COL4A5: variants seen among roughly 807,000 people sequenced by gnomAD.
The protein encoded by COL4A5 is collagen type IV alpha 5 chain.
A neutral mutation model predicts 130.2 loss-of-function variants in COL4A5; 26 were observed. The ratio of observed to expected loss-of-function variants is 0.20; its 90% confidence interval spans 0.15 to 0.28. The LOEUF is 0.28. Ranked by LOEUF, COL4A5 falls within the 10% of genes least tolerant of loss-of-function variation. The pLI, the probability that COL4A5 is intolerant of heterozygous loss-of-function variation, is 1.00. For missense variants in COL4A5, 1,131 were observed against 1,344.3 expected (o/e 0.84, Z 2.48); for synonymous variants, 496 against 439.6 (o/e 1.13, Z -1.60).
At chrX:108,578,201 G>C (rs2066185953) in intron 12 of COL4A5, 82 bp downstream of exon 12, 1 of 1,122,750 alleles carries the variant, frequency 8.9e-7, no homozygotes, top group African/African-American at 1.8e-5. Context: ...TCTTTCTCTT[G>C]CTTCTTGAAG....
At chrX:108,447,909 A>G (rs2064471139) in intron 1 of COL4A5, among the ~76,000 whole-genome samples, 2 of 111,953 alleles carry the variant, frequency 1.8e-5, no homozygotes, top group Non-Finnish European at 3.8e-5. Context: ...TTGTTTTTAA[A>G]TAGCAGTAAT....
At chrX:108,678,523 C>A (rs28648027) in intron 44 of COL4A5, among the ~76,000 whole-genome samples, 24,518 of 110,313 alleles carry the variant, frequency 0.22, 2,476 homozygotes, top group East Asian at 0.57. Context: ...AAAATATTCT[C>A]ATGTTTTATT....
In COL4A5 at chrX:108,586,617, A is replaced by C. The variant is rs780982202; in HGVS notation, c.1035A>C (p.Val345=). ...TTTTTTTTTCTTTGGTAATAAAGGT[A>C]ATTCCTAGACCTGGGACTGGTATAA... ...DTGPPGPPGL[V]IPRPGTGITI... The change falls in exon 19 of 53, where the codon GTA becomes GTC. Residue 345 remains valine, a splice_region_variant and synonymous_variant. Coordinates refer to ENST00000328300, the MANE Select transcript of COL4A5 (RefSeq NM_033380.3). 83 of 1,202,248 alleles carry C rather than the reference A, an allele frequency of 6.9e-5. No homozygotes were observed. In the South Asian group the frequency reaches 1.5e-3, roughly 21 times the overall value.
chrX:108,568,775 A>G lies in COL4A5; in HGVS notation c.338A>G (p.Asp113Gly), dbSNP rs2066014730. 4 of 1,208,913 alleles carry G rather than the reference A, an allele frequency of 3.3e-6. No homozygotes were observed. The highest frequency in any genetic ancestry group is 4.5e-6 in the Non-Finnish European group (4 of 894,672). Reference sequence around the variant, plus strand: ...TTTTCAAAGGGAATGCCAGGCCACGATGGGGCCCCAGGACCTCAAGGTATT... The same window carrying G: ...TTTTCAAAGGGAATGCCAGGCCACGGTGGGGCCCCAGGACCTCAAGGTATT... ...TPGLPGMPGH[D>G]GAPGPQGIPG... The change falls in exon 6 of 53, where the codon GAT (aspartate) becomes GGT (glycine). Residue 113 changes from aspartate (D) to glycine (G), a missense_variant. Coordinates refer to ENST00000328300, the MANE Select transcript of COL4A5 (RefSeq NM_033380.3).
intron 23 of COL4A5, 62 bp from the exon 24 acceptor site, chrX:108,597,315 G>C: frequency 9.0e-7 from 1 of 1,105,462 alleles, no homozygotes; most frequent in East Asian, 3.0e-5. Context: ...AAAAGAAACT[G>C]ATTTTCTTTT....
chrX:108,659,396 C>T (rs1322491477), intron 37 of COL4A5, among the ~76,000 whole-genome samples: 1 of 110,973 alleles, frequency 9.0e-6, no homozygotes, highest in Non-Finnish European at 1.9e-5. Context: ...TTATAAATGT[C>T]CATTAGGTCA....
At chrX:108,584,363 C>T (rs1473672530) in intron 17 of COL4A5, 121 bp from the exon 18 acceptor site, 11 of 596,056 alleles carry the variant, frequency 1.8e-5, no homozygotes, top group Non-Finnish European at 3.0e-5. Flanking sequence ...TGTTGCATTT[C>T]TCATTTGAGG....
chrX:108,522,482 C>T lies in COL4A5; in HGVS notation c.82-17264C>T, dbSNP rs112568825. ...GTCTTGATTATAGCTATCTAGTGTGCGTGAAGTGGTATTTCATTGTGGTTT... is the reference window on the plus strand; with the variant it reads ...GTCTTGATTATAGCTATCTAGTGTGTGTGAAGTGGTATTTCATTGTGGTTT... On this transcript the variant is annotated intron_variant, in intron 1 of 52. Transcript: ENST00000328300. 1.1e-3 allele frequency among the ~76,000 whole-genome samples: 111 copies of T among 100,161 alleles called. 1 individual carries two copies. The highest frequency in any genetic ancestry group is 3.2e-3 in the African/African-American group (88 of 27,159). The allele number at this position is 100,161 out of a possible 115,157, so 87.0% of individuals were successfully genotyped here. A position where few individuals can be genotyped will look rare whatever the true frequency, so the allele number is the denominator to read the frequency against.
At chrX:108,578,184 G>A in intron 12 of COL4A5, 65 bp downstream of exon 12, 1 of 1,148,679 alleles carries the variant, frequency 8.7e-7, no homozygotes, top group Non-Finnish European at 1.2e-6. Flanking sequence ...CATTTGAACT[G>A]TCTTTTTCTT....
chrX:108,524,890 T>A (rs1286993554), intron 1 of COL4A5, among the ~76,000 whole-genome samples: 1 of 112,184 alleles, frequency 8.9e-6, no homozygotes, highest in Non-Finnish European at 1.9e-5. Context: ...AGTTTATTGA[T>A]GTTTGTTTTA....
At chrX:108,617,947 A>G (rs1351917293) in intron 30 of COL4A5, among the ~76,000 whole-genome samples, 1 of 112,234 alleles carries the variant, frequency 8.9e-6, no homozygotes, top group Non-Finnish European at 1.9e-5. Flanking sequence ...AGGAGAAAAT[A>G]GTTTTCTAAC....
At chrX:108,643,342 C>G (rs762813237) in intron 36 of COL4A5, among the ~76,000 whole-genome samples, 94 of 111,732 alleles carry the variant, frequency 8.4e-4, no homozygotes, top group African/African-American at 3.0e-3. Flanking sequence ...ACCTAGACAT[C>G]CAAATACAAG....
chrX:108,692,818 C>T lies in COL4A5; in HGVS notation c.4599C>T (p.Cys1533=), dbSNP rs1603326524. The T allele has an allele frequency of 8.3e-7, 1 of 1,211,052 alleles. No individual in the cohort carries two copies. The highest frequency in any genetic ancestry group is 1.1e-6 in the Non-Finnish European group (1 of 895,010). ...PFMFCNINNV[C]NFASRNDYSY... ...TGTTCTGCAACATCAATAATGTTTG[C>T]AACTTTGCTTCAAGAAATGACTATT... Residue 1533 remains cysteine (C), a synonymous_variant, in exon 50 of 53, where the codon TGC becomes TGT. Coordinates refer to ENST00000328300, the MANE Select transcript of COL4A5 (RefSeq NM_033380.3).
chrX:108,633,888 T>C (rs915855079), intron 36 of COL4A5, among the ~76,000 whole-genome samples: 2 of 111,970 alleles, frequency 1.8e-5, no homozygotes, highest in African/African-American at 6.5e-5. Flanking sequence ...GTACAGGTGA[T>C]CTTTGCTTTT....
chrX:108,671,321 G>A (rs1254089112), intron 42 of COL4A5, among the ~76,000 whole-genome samples: 2 of 111,558 alleles, frequency 1.8e-5, no homozygotes. Flanking sequence ...TGTTGAGAAT[G>A]GCAGGACATT....
chrX:108,584,454 A>G (rs748130829), intron 17 of COL4A5, 30 bp from the exon 18 acceptor site: 3 of 1,179,005 alleles, frequency 2.5e-6, no homozygotes, highest in Non-Finnish European at 3.5e-6. Flanking sequence ...TGTGAATTTT[A>G]CTAACCTATT....
intron 13 of COL4A5, among the ~76,000 whole-genome samples, chrX:108,579,177 C>T (rs1375309673): frequency 2.7e-5 from 3 of 111,568 alleles, no homozygotes; most frequent in African/African-American, 9.8e-5. Context: ...CCTTATTTCT[C>T]CCCAAATTGA....
chrX:108,499,567 G>A (rs1371858423), intron 1 of COL4A5, among the ~76,000 whole-genome samples: 5 of 111,304 alleles, frequency 4.5e-5, no homozygotes, highest in African/African-American at 1.6e-4. Context: ...ATATTTGATT[G>A]AATTAACTAA....
chrX:108,444,498 C>T (rs1335633020), intron 1 of COL4A5, among the ~76,000 whole-genome samples: 1 of 111,808 alleles, frequency 8.9e-6, no homozygotes, highest in African/African-American at 3.3e-5. Flanking sequence ...GGATTACAGG[C>T]GTGAGCCACC....
Sources: allele counts gnomAD v4.1 joint callset (sites outside exome capture counted in the v4.1 genomes callset), GRCh38; gene constraint gnomAD v4.1.1; transcripts MANE v1.5; gene names NCBI Gene and HGNC (gene_info 2026-07-23, HGNC 2026-07-21).